COL1A2: variants seen among roughly 807,000 people sequenced by gnomAD.
COL1A2 encodes the protein collagen alpha-2(I) chain.
In COL1A2, 49 loss-of-function variants were observed where a neutral mutation model predicts 174.3. The ratio of observed to expected loss-of-function variants is 0.28; its 90% CI spans 0.22 to 0.36. The LOEUF (loss-of-function observed/expected upper bound fraction) is 0.36. Ranked by LOEUF, COL1A2 falls within the 10% of genes least tolerant of loss-of-function variation. The probability of loss-of-function intolerance (pLI) is 1.00; values close to 1 mark genes in which losing one functional copy is unlikely to be tolerated. For missense variants in COL1A2, 1,438 were observed against 1,822.7 expected (o/e 0.79, Z 3.84); for synonymous variants, 655 against 606.6 (o/e 1.08, Z -1.17).
chr7:94,413,178 A>T, intron 26 of COL1A2, 42 bp downstream of exon 26: 1 of 1,585,518 alleles, frequency 6.3e-7, no homozygotes, highest in East Asian at 2.2e-5. Flanking sequence ...CATAGCATTC[A>T]TCTAAGAACC....
chr7:94,397,613 C>A, intron 1 of COL1A2, 135 bp from the exon 2 acceptor site: 1 of 543,942 alleles, frequency 1.8e-6, no homozygotes, highest in Non-Finnish European at 3.3e-6. Context: ...TTAAAATATT[C>A]TTAAAAAAAT....
intron 38 of COL1A2, 150 bp from the exon 39 acceptor site, chr7:94,421,749 A>C: frequency 3.8e-6 from 3 of 788,374 alleles, no homozygotes; most frequent in Non-Finnish European, 6.7e-6. Flanking sequence ...GGTCCTGGCT[A>C]AATAATGCCC....
rs41317150 is a variant in COL1A2, at chr7:94,413,848, T to C, written c.1612-46T>C. The C allele has an allele frequency of 1.6e-3, 2,645 of 1,610,446 alleles. 27 individuals are homozygous for C. The African/African-American group carries it at 0.031, about 19-fold the overall frequency. On this transcript the variant is annotated intron_variant, in intron 27 of 51. Transcript: ENST00000297268. ...CAAAAGTTATACAGCTAGACAACAG[T>C]GGTGACATACGTTGCTATTTATGCT...
rs749221597 is a variant in COL1A2, at chr7:94,420,244, G to A, written c.2091G>A (p.Gly697=). ...TGGTCCCATTATAGGGCGAAGCTGG[G>A]GCTGCTGGTCCTGCTGGTCCTGCTG... The part of the protein sequence containing the change: ...AGATGDRGEA[G]AAGPAGPAGP... Residue 697 remains glycine, a synonymous_variant, in exon 35 of 52, where the codon GGG becomes GGA. Transcript: ENST00000297268. 17 of 1,613,368 alleles carry A rather than the reference G, an allele frequency of 1.1e-5. No individual in the cohort carries two copies. The highest frequency in any genetic ancestry group is 1.2e-5 in the Non-Finnish European group (14 of 1,180,014).
At chr7:94,422,527 G>A (rs1035218118) in intron 39 of COL1A2, 1 of 183,884 alleles carries the variant, frequency 5.4e-6, no homozygotes, top group Non-Finnish European at 1.1e-5. Flanking sequence ...TGAGAAGTGT[G>A]TGGGATTCCT....
intron 26 of COL1A2, 149 bp downstream of exon 26, chr7:94,413,285 A>G: frequency 1.2e-6 from 1 of 804,464 alleles, no homozygotes; most frequent in Non-Finnish European, 2.1e-6. Flanking sequence ...TGCCTTTTTA[A>G]AAACCAAACT....
At chr7:94,402,736 A>G (rs1033801206) in intron 6 of COL1A2, among the ~76,000 whole-genome samples, 1 of 152,150 alleles carries the variant, frequency 6.6e-6, no homozygotes, top group Admixed American at 6.5e-5. Flanking sequence ...TTGTTTCAAA[A>G]CAAAGGTATT....
intron 24 of COL1A2, 55 bp from the exon 25 acceptor site, chr7:94,412,529 T>G: frequency 5.2e-6 from 7 of 1,357,740 alleles, no homozygotes; most frequent in African/African-American, 1.4e-5. Context: ...ATCATAAGCT[T>G]GAGGTTGTGA....
chr7:94,406,722 C>A (rs886664398), intron 12 of COL1A2, among the ~76,000 whole-genome samples: 1 of 152,120 alleles, frequency 6.6e-6, no homozygotes, highest in Non-Finnish European at 1.5e-5. Flanking sequence ...ACTTTTCAAC[C>A]TCTTTCCTGT....
intron 12 of COL1A2, among the ~76,000 whole-genome samples, chr7:94,407,414 T>C (rs189433004): frequency 2.8e-4 from 42 of 152,256 alleles, no homozygotes; most frequent in African/African-American, 7.5e-4. Context: ...ATATGATGGC[T>C]CTAAAAAATA....
In COL1A2 at chr7:94,420,041, T is replaced by C. The variant is rs113556716; in HGVS notation, c.2080-192T>C. Among the ~76,000 whole-genome samples the C allele has an allele frequency of 4.6e-3, 704 of 152,298 alleles. 5 individuals carry two copies. The highest frequency in any genetic ancestry group is 0.016 in the African/African-American group (673 of 41,566). On this transcript the variant is annotated intron_variant, in intron 34 of 51. Transcript: ENST00000297268. ...AGTGTTTTCTCAAGTGTATAACCCA[T>C]ACTACTTAACCCCCAAAATGAATAT...
At chr7:94,421,825 C>T in intron 38 of COL1A2, 74 bp from the exon 39 acceptor site, 1 of 1,456,974 alleles carries the variant, frequency 6.9e-7, no homozygotes, top group Non-Finnish European at 9.6e-7. Context: ...TTTTCCAAAA[C>T]AAAGAAATTC....
chr7:94,401,835 T>A (rs543457493), intron 6 of COL1A2, among the ~76,000 whole-genome samples: 3 of 152,292 alleles, frequency 2.0e-5, no homozygotes, highest in African/African-American at 7.2e-5. Context: ...TTTATGATTA[T>A]ATGATCTTTT....
Position 94,430,422 on chromosome 7 carries a change from G to A in COL1A2, c.*29G>A. ...AACTCAATCTAAATTAAAAAAGAAAGAAATTTGAAAAAACTTTCTCTTTGC... is the reference window on the plus strand; with the variant it reads ...AACTCAATCTAAATTAAAAAAGAAAAAAATTTGAAAAAACTTTCTCTTTGC... On this transcript the variant is annotated 3_prime_UTR_variant, in exon 52 of 52. Transcript: ENST00000297268. The A allele has an allele frequency of 6.2e-7, 1 of 1,605,900 alleles. No individual in the cohort carries two copies. Among genetic ancestry groups the A allele is most frequent in the Non-Finnish European group, 8.5e-7 (1 of 1,177,238 alleles).
intron 2 of COL1A2, among the ~76,000 whole-genome samples, 153 bp downstream of exon 2, chr7:94,397,911 G>A (rs1178514804): frequency 6.6e-6 from 1 of 151,596 alleles, no homozygotes; most frequent in African/African-American, 2.4e-5. Context: ...AACCTTTCTG[G>A]CTGCCTTAGA....
intron 40 of COL1A2, chr7:94,424,089 A>G (rs933576681): frequency 2.1e-6 from 1 of 476,036 alleles, no homozygotes; most frequent in African/African-American, 2.0e-5. Flanking sequence ...GTCTTTATAA[A>G]TCTCAACCAC....
chr7:94,426,224 G>A (rs1299467537), intron 45 of COL1A2, among the ~76,000 whole-genome samples, 173 bp downstream of exon 45: 2 of 152,172 alleles, frequency 1.3e-5, no homozygotes, highest in Non-Finnish European at 2.9e-5. Flanking sequence ...TCTTATGCTT[G>A]TTTGTATTAA....
intron 25 of COL1A2, 102 bp from the exon 26 acceptor site, chr7:94,412,981 A>T (rs1370582028): frequency 1.6e-5 from 19 of 1,160,848 alleles, no homozygotes; most frequent in Admixed American, 3.4e-5. Flanking sequence ...ATCTCAAAAG[A>T]ACACAAAAAC....
At chr7:94,402,641 A>G (rs746044482) in intron 6 of COL1A2, among the ~76,000 whole-genome samples, 13 of 152,260 alleles carry the variant, frequency 8.5e-5, no homozygotes, top group Admixed American at 3.9e-4. Flanking sequence ...AGAGGGGAAA[A>G]CTGCCAGAAG....
Sources: gnomAD v4.1 joint callset for allele counts (sites outside exome capture counted in the v4.1 genomes callset) on GRCh38, gnomAD v4.1.1 for gene constraint, MANE v1.5 for transcripts, NCBI Gene and HGNC (gene_info 2026-07-23, HGNC 2026-07-21) for gene names.